AGT: variants seen among roughly 807,000 people sequenced by gnomAD.
AGT encodes alpha-1 antiproteinase, antitrypsin.
In AGT, 26 loss-of-function variants were observed where a neutral mutation model predicts 28.1. That is an observed-to-expected ratio of 0.92 (90% CI 0.68 to 1.28). AGT has a LOEUF of 1.28. Ranked by LOEUF, AGT falls within the 50% of genes most tolerant of loss-of-function variation. The pLI is 0.00. For missense variants in AGT, 596 were observed against 592.3 expected (o/e 1.01, Z -0.06); for synonymous variants, 259 against 259.6 (o/e 1.00, Z 0.02).
At chr1:230,708,528 C>T (rs906183904) in intron 2 of AGT, among the ~76,000 whole-genome samples, 5 of 152,150 alleles carry the variant, frequency 3.3e-5, no homozygotes, top group Non-Finnish European at 7.4e-5. Flanking sequence ...TATCACCTCT[C>T]CCTGAACCCG....
Position 230,705,936 on chromosome 1 carries a change from G to C in AGT, c.1094C>G (p.Pro365Arg). ...NSLNWMKKLS[P>R]RTIHLTMPQL... Reference sequence around the variant, plus strand: ...GGGGAGACCGGGAGGCTCCTACCGGGGAGATAGTTTCTTCATCCAGTTGAG... The same window carrying C: ...GGGGAGACCGGGAGGCTCCTACCGGCGAGATAGTTTCTTCATCCAGTTGAG... The change falls in exon 3 of 5, where the codon CCC becomes CGC. Residue 365 changes from proline to arginine, a missense_variant. By Grantham distance (103) the Pro-to-Arg change is moderately radical. Transcript: ENST00000366667. 4 of 1,614,094 alleles carry C rather than the reference G, an allele frequency of 2.5e-6. No homozygotes were observed. Among genetic ancestry groups the C allele is most frequent in the Non-Finnish European group, 3.4e-6 (4 of 1,179,986 alleles).
At chr1:230,723,874 G>GTA (rs1461937039) in intron 1 of AGT, among the ~76,000 whole-genome samples, 2 of 152,164 alleles carry the variant, frequency 1.3e-5, no homozygotes, top group African/African-American at 2.4e-5. Context: ...ACAGAGCTTT[G>GTA]TATAACAGCT....
chr1:230,706,868 C>T (rs1663401522), intron 2 of AGT, among the ~76,000 whole-genome samples: 1 of 152,170 alleles, frequency 6.6e-6, no homozygotes, highest in South Asian at 2.1e-4. Flanking sequence ...TCCCACCACT[C>T]CTAGAGGCCC....
intron 1 of AGT, among the ~76,000 whole-genome samples, chr1:230,735,068 G>T (rs1664133954): frequency 6.6e-6 from 1 of 152,160 alleles, no homozygotes; most frequent in Admixed American, 6.5e-5. Flanking sequence ...CCCTGGAGGA[G>T]AGGGTCGCTC....
chr1:230,704,423 C>T (rs1663326396), intron 3 of AGT, 86 bp from the exon 4 acceptor site: 3 of 1,525,028 alleles, frequency 2.0e-6, no homozygotes, highest in African/African-American at 2.7e-5. Context: ...GCTCCTTGCA[C>T]CCAACCCTGA....
chr1:230,735,262 AG>A (rs1018758082), intron 1 of AGT, among the ~76,000 whole-genome samples: 3 of 152,070 alleles, frequency 2.0e-5, no homozygotes, highest in African/African-American at 7.2e-5. Flanking sequence ...CAGCGGGAGA[AG>A]GGGGCACAGT....
At chr1:230,745,540 T>G (rs1207168783) in exon 1 of AGT, among the ~76,000 whole-genome samples, 3 of 152,172 alleles carry the variant, frequency 2.0e-5, no homozygotes, top group East Asian at 3.9e-4. Context: ...AAGTCCAAGA[T>G]CAAGGCACTG....
chr1:230,710,046 C>A lies in AGT; in HGVS notation c.778G>T (p.Gly260Ter). ...GCCAGGGTGCTGTCCACACTGGCTC[C>A]CATCAGGGAGCAGCCAGTCTTCCAT... ...TGWKTGCSLM[G>*]ASVDSTLAFN... Residue 260 changes from glycine to a stop codon, truncating the protein, a stop_gained, in exon 2 of 5, where the codon GGA becomes TGA. Transcript: ENST00000366667. LOFTEE classifies it high-confidence loss of function. 1.2e-6 allele frequency: 2 copies of A among 1,614,074 alleles called. No individual in the cohort carries two copies. Among genetic ancestry groups the A allele is most frequent in the Non-Finnish European group, 1.7e-6 (2 of 1,180,008 alleles).
At chr1:230,736,697 C>T (rs1022760016) in intron 1 of AGT, among the ~76,000 whole-genome samples, 4 of 152,076 alleles carry the variant, frequency 2.6e-5, no homozygotes, top group African/African-American at 4.8e-5. Flanking sequence ...CCTAAGTAGT[C>T]AGTGACATGG....
chr1:230,703,391 G>A, intron 4 of AGT, 62 bp from the exon 5 acceptor site: 3 of 1,584,076 alleles, frequency 1.9e-6, no homozygotes, highest in East Asian at 2.2e-5. Flanking sequence ...GGGTGCTGAG[G>A]GCTAGAGGGC....
chr1:230,717,621 G>A (rs1198482649), upstream of AGT, among the ~76,000 whole-genome samples: 1 of 152,146 alleles, frequency 6.6e-6, no homozygotes, highest in Non-Finnish European at 1.5e-5. Context: ...AGGCATGTGA[G>A]CCCTGAACAT....
chr1:230,712,807 G>A (rs1398577067), intron 1 of AGT, among the ~76,000 whole-genome samples: 1 of 152,158 alleles, frequency 6.6e-6, no homozygotes, highest in Non-Finnish European at 1.5e-5. Flanking sequence ...CCGCGTCCTG[G>A]GAGTAATGGT....
upstream of AGT, among the ~76,000 whole-genome samples, chr1:230,718,395 G>A (rs4028824): frequency 0.2 from 30,210 of 152,030 alleles, 4,118 homozygotes; most frequent in East Asian, 0.49. Context: ...GCAAGGACAC[G>A]TAAAGTCTAC....
chr1:230,736,873 C>T (rs1225540037), intron 1 of AGT, among the ~76,000 whole-genome samples: 1 of 152,142 alleles, frequency 6.6e-6, no homozygotes, highest in Non-Finnish European at 1.5e-5. Flanking sequence ...CCCTTTTCAG[C>T]ACCTGGATCC....
chr1:230,709,769 A>G (rs1450390788), intron 2 of AGT, among the ~76,000 whole-genome samples: 1 of 152,218 alleles, frequency 6.6e-6, no homozygotes, highest in Non-Finnish European at 1.5e-5. Flanking sequence ...ATGATGTAAG[A>G]AAAAGGATGT....
At position 230,710,095 on chromosome 1, in the gene AGT, G is replaced by A. The variant is rs1663529281; in HGVS notation, c.729C>T (p.Asp243=). ...TELDVAAEKI[D]RFMQAVTGWK... ...ATCCTGTCACAGCCTGCATGAACCT[G>A]TCAATCTTCTCAGCAGCAACATCCA... Residue 243 remains aspartate, a synonymous_variant, in exon 2 of 5, where the codon GAC becomes GAT. Coordinates refer to ENST00000366667, the MANE Select transcript of AGT (RefSeq NM_001384479.1). 1 of 1,614,216 alleles carries A rather than the reference G, an allele frequency of 6.2e-7. No homozygotes were observed. The highest frequency in any genetic ancestry group is 8.5e-7 in the Non-Finnish European group (1 of 1,180,038).
rs746749915 is a variant in AGT at position 230,704,259 on chromosome 1, C to A, written c.1176G>T (p.Leu392=). 3 of 1,614,238 alleles carry A rather than the reference C, an allele frequency of 1.9e-6. No individual in the cohort carries two copies. The highest frequency in any genetic ancestry group is 3.3e-5 in the Admixed American group (2 of 60,032). The change falls in exon 4 of 5, where the codon CTG becomes CTT. Residue 392 remains leucine, a synonymous_variant. Coordinates refer to ENST00000366667, the MANE Select transcript of AGT (RefSeq NM_001384479.1). ...DLQDLLAQAE[L]PAILHTELNL... Reference sequence around the variant, plus strand: ...TCAGCTCGGTGTGCAGAATGGCGGGCAGCTCAGCCTGGGCGAGCAGGTCCT... The same window carrying A: ...TCAGCTCGGTGTGCAGAATGGCGGGAAGCTCAGCCTGGGCGAGCAGGTCCT...
At position 230,705,925 on chromosome 1, in the gene AGT, G is replaced by C. The variant is rs115636911; in HGVS notation, c.1097+8C>G. Reference sequence around the variant, plus strand: ...CCCACATTCCAGGGGAGACCGGGAGGCTCCTACCGGGGAGATAGTTTCTTC... The same window carrying C: ...CCCACATTCCAGGGGAGACCGGGAGCCTCCTACCGGGGAGATAGTTTCTTC... On this transcript the variant is annotated splice_region_variant and intron_variant, in intron 3 of 4. Coordinates refer to ENST00000366667, the MANE Select transcript of AGT (RefSeq NM_001384479.1). 1.2e-6 allele frequency: 2 copies of C among 1,613,870 alleles called. No homozygotes were observed. Among genetic ancestry groups the C allele is most frequent in the African/African-American group, 2.7e-5 (2 of 74,934 alleles).
intron 2 of AGT, among the ~76,000 whole-genome samples, chr1:230,706,494 A>T (rs529590445): frequency 1.8e-4 from 27 of 152,316 alleles, no homozygotes; most frequent in Non-Finnish European, 2.6e-4. Context: ...ACCTTAAGGG[A>T]CATAAGCCAC....
Sources: gnomAD v4.1 joint callset for allele counts (sites outside exome capture counted in the v4.1 genomes callset) on GRCh38, gnomAD v4.1.1 for gene constraint, MANE v1.5 for transcripts, NCBI Gene and HGNC (gene_info 2026-07-23, HGNC 2026-07-21) for gene names.